The following SEC23B variants were observed in gnomAD, a reference collection of about 807,000 sequenced individuals.
SEC23B encodes the protein SEC23 homolog B, COPII component, also known as protein transport protein Sec23B.
A neutral mutation model predicts 104.3 loss-of-function variants in SEC23B; 77 were observed. The observed-to-expected ratio is 0.74, with a 90% CI of 0.61 to 0.89. SEC23B has a LOEUF of 0.89. Among genes scored for constraint, SEC23B ranks in the 40% least tolerant of loss-of-function variants. SEC23B has a pLI of 0.00. For synonymous variants in SEC23B, 338 were observed against 332.5 expected, an observed-to-expected ratio of 1.02 and a Z score of -0.18; for missense variants, 885 against 949.4, an observed-to-expected ratio of 0.93 and a Z score of 0.89.
At chr20:18,542,263 T>C (rs1162850148) in intron 12 of SEC23B, 33 bp from the exon 13 acceptor site, 1 of 1,588,402 alleles carries the variant, frequency 6.3e-7, no homozygotes, top group African/African-American at 1.3e-5. Context: ...GTTGCGCCTA[T>C]AACAGACAAG....
At chr20:18,526,620 T>C (rs2060136688) in intron 8 of SEC23B, 89 bp downstream of exon 8, 10 of 1,360,630 alleles carry the variant, frequency 7.3e-6, no homozygotes, top group African/African-American at 1.4e-5. Flanking sequence ...GCCAAGGTCA[T>C]GTGTCATGGT....
chr20:18,535,628 T>C, intron 11 of SEC23B, 25 bp from the exon 12 acceptor site: 2 of 1,606,772 alleles, frequency 1.2e-6, no homozygotes, highest in South Asian at 1.1e-5. Flanking sequence ...GGTTTTGTTT[T>C]TCAAATTCCT....
intron 16 of SEC23B, among the ~76,000 whole-genome samples, chr20:18,550,069 T>C (rs1457012556): frequency 2.0e-5 from 3 of 148,156 alleles, no homozygotes; most frequent in African/African-American, 7.3e-5. Flanking sequence ...AAGAACTATG[T>C]ATATAAATAT....
chr20:18,555,168 G>A lies in SEC23B; in HGVS notation c.2209G>A (p.Gly737Arg), dbSNP rs779142854. The A allele has an allele frequency of 1.9e-6, 3 of 1,611,560 alleles. No homozygotes were observed. Among genetic ancestry groups the A allele is most frequent in the African/African-American group, 2.7e-5 (2 of 74,800 alleles). Residue 737 changes from glycine (G) to arginine (R), a missense_variant, in exon 19 of 20, where the codon GGA becomes AGA. Gly to Arg is a moderately radical substitution (Grantham distance 125). Coordinates refer to ENST00000650089, the MANE Select transcript of SEC23B (RefSeq NM_006363.6). ...GACACACAATAACCTGTATGCTTGG[G>A]GACAGGTAAGAAATCTTCAGGTATT... is the stretch of plus-strand genomic sequence containing the variant. ...SQTHNNLYAWGQETGAPILTD... is the reference protein window; with the variant it reads ...SQTHNNLYAWRQETGAPILTD...
intron 16 of SEC23B, among the ~76,000 whole-genome samples, chr20:18,550,187 G>A: frequency 6.9e-6 from 1 of 145,966 alleles, no homozygotes; most frequent in Non-Finnish European, 1.5e-5. Flanking sequence ...GAGATGGGGT[G>A]TCTGTCACCC....
chr20:18,537,757 T>C lies in SEC23B; in HGVS notation c.1404+2015T>C, dbSNP rs111903750. Among the ~76,000 whole-genome samples, 510 of 152,012 alleles carry C rather than the reference T, an allele frequency of 3.4e-3. 6 individuals carry two copies. The highest frequency in any genetic ancestry group is 0.012 in the African/African-American group (495 of 41,504). On this transcript the variant is annotated intron_variant, in intron 12 of 19. Coordinates refer to ENST00000650089, the MANE Select transcript of SEC23B (RefSeq NM_006363.6). ...ATAATAATAATAAAAAATAAATAAA[T>C]AAATAAAAAAACCTGTGTTGCTCAA...
Position 18,524,531 on chromosome 20 carries a change from G to T in SEC23B, c.465G>T (p.Leu155=), listed in dbSNP as rs1416974587. The change falls in exon 5 of 20, where the codon CTG becomes CTT. Residue 155 remains leucine, a synonymous_variant. Transcript: ENST00000650089. ...TCAAAGAGTCCCTGCAGATGTCCCT[G>T]AGTCTTCTTCCTCCAGATGCTCTGG... ...QALKESLQMS[L]SLLPPDALVG... 1 of 1,614,182 alleles carries T rather than the reference G, an allele frequency of 6.2e-7. No individual in the cohort carries two copies. The highest frequency in any genetic ancestry group is 8.5e-7 in the Non-Finnish European group (1 of 1,180,018).
intron 4 of SEC23B, among the ~76,000 whole-genome samples, chr20:18,519,076 G>A (rs1251134272): frequency 1.3e-5 from 2 of 152,192 alleles, no homozygotes; most frequent in African/African-American, 2.4e-5. Flanking sequence ...AGATGTGGAA[G>A]ATACTATGGC....
At chr20:18,509,269 A>G (rs538011399) in intron 1 of SEC23B, among the ~76,000 whole-genome samples, 1 of 152,294 alleles carries the variant, frequency 6.6e-6, no homozygotes, top group South Asian at 2.1e-4. Flanking sequence ...TCTGGGCTTT[A>G]TGTAGTAGAG....
intron 9 of SEC23B, among the ~76,000 whole-genome samples, 168 bp downstream of exon 9, chr20:18,527,779 A>G (rs1167787467): frequency 6.6e-6 from 1 of 152,196 alleles, no homozygotes; most frequent in Non-Finnish European, 1.5e-5. Context: ...TGGAGAGGGA[A>G]GTAGTGATTA....
chr20:18,559,089 T>A (rs890679802), intron 19 of SEC23B, among the ~76,000 whole-genome samples: 2 of 86,136 alleles, frequency 2.3e-5, no homozygotes, highest in Non-Finnish European at 5.1e-5. Flanking sequence ...GTGGGGGGGG[T>A]GTCGGGGGCA....
chr20:18,510,309 A>G (rs1306551038), intron 1 of SEC23B, among the ~76,000 whole-genome samples: 2 of 152,158 alleles, frequency 1.3e-5, no homozygotes, highest in African/African-American at 4.8e-5. Context: ...GGTGATTGTA[A>G]ACCTCCCACT....
intron 14 of SEC23B, 41 bp from the exon 15 acceptor site, chr20:18,545,915 T>G (rs1568619646): frequency 8.8e-7 from 1 of 1,137,914 alleles, no homozygotes; most frequent in Non-Finnish European, 1.3e-6. Context: ...CTCTCTCTTT[T>G]TGTGTGTGTT....
chr20:18,541,160 T>G (rs1291666859), intron 12 of SEC23B, among the ~76,000 whole-genome samples: 1 of 152,276 alleles, frequency 6.6e-6, no homozygotes, highest in African/African-American at 2.4e-5. Flanking sequence ...GCTTCCAGCT[T>G]TCTCCTGCAG....
At chr20:18,512,590 T>A (rs754906218) in intron 3 of SEC23B, among the ~76,000 whole-genome samples, 12 of 152,246 alleles carry the variant, frequency 7.9e-5, no homozygotes, top group Non-Finnish European at 1.6e-4. Flanking sequence ...CATATTTCTC[T>A]TGACTTCAGT....
Position 18,532,668 on chromosome 20 carries a change from C to T in SEC23B, c.1238C>T (p.Ser413Phe). Reference sequence around the variant, plus strand: ...ACTGTCACATATTTGTTATAGACCTCTCGGGAACTGAAGATTGCAGGAGCC... The same window carrying T: ...ACTGTCACATATTTGTTATAGACCTTTCGGGAACTGAAGATTGCAGGAGCC... ...AFGATLDVKT[S>F]RELKIAGAIG... The change falls in exon 11 of 20, where the codon TCT becomes TTT. Residue 413 changes from serine (S) to phenylalanine (F), a missense_variant. Ser to Phe is a radical substitution (Grantham distance 155). Transcript: ENST00000650089. The T allele has an allele frequency of 6.2e-7, 1 of 1,612,194 alleles. No homozygotes were observed. The highest frequency in any genetic ancestry group is 8.5e-7 in the Non-Finnish European group (1 of 1,178,268).
At chr20:18,560,569 C>G (rs1391098010) in intron 19 of SEC23B, 82 bp from the exon 20 acceptor site, 2 of 1,066,112 alleles carry the variant, frequency 1.9e-6, no homozygotes, top group African/African-American at 1.5e-5. Context: ...TGTGAATGTT[C>G]TGAGGGAAGG....
intron 17 of SEC23B, 88 bp from the exon 18 acceptor site, chr20:18,554,147 C>T: frequency 6.9e-7 from 1 of 1,452,558 alleles, no homozygotes; most frequent in Non-Finnish European, 9.6e-7. Context: ...TAGAAACAAG[C>T]TCTGGGTGGC....
intron 3 of SEC23B, among the ~76,000 whole-genome samples, chr20:18,512,556 G>A (rs966319253): frequency 6.6e-5 from 10 of 152,130 alleles, no homozygotes; most frequent in African/African-American, 2.4e-4. Flanking sequence ...GTGAATCTGT[G>A]ACCCAAAGAA....
Sources: allele counts gnomAD v4.1 joint callset (sites outside exome capture counted in the v4.1 genomes callset), GRCh38; gene constraint gnomAD v4.1.1; transcripts MANE v1.5; gene names NCBI Gene and HGNC (gene_info 2026-07-23, HGNC 2026-07-21).